Variants in MSRA observed in about 807,000 individuals in gnomAD.
MSRA encodes the protein mitochondrial peptide methionine sulfoxide reductase.
In MSRA, 54 loss-of-function variants were observed where a neutral mutation model predicts 31.3. That is an observed-to-expected ratio of 1.73 (90% CI 1.39 to 2.17). MSRA has a LOEUF of 2.17. MSRA is among the 30% of genes most tolerant of loss of function. The pLI, the probability that MSRA is intolerant of heterozygous loss-of-function variation, is 0.00. For synonymous variants in MSRA, 169 were observed against 116.5 expected, an observed-to-expected ratio of 1.45 and a Z score of -2.90; for missense variants, 507 against 300.9, an observed-to-expected ratio of 1.69 and a Z score of -5.07.
intron 1 of MSRA, chr8:10,058,887 G>A (rs1220285084): frequency 2.0e-5 from 3 of 152,160 alleles, no homozygotes; most frequent in African/African-American, 7.2e-5. Flanking sequence ...TTGTAAGAAG[G>A]TAAGATTCAA....
At chr8:10,256,619 A>C (rs1181946655) in intron 3 of MSRA, among the ~76,000 whole-genome samples, 7 of 152,108 alleles carry the variant, frequency 4.6e-5, no homozygotes, top group African/African-American at 1.7e-4. Context: ...TGAGCCACAT[A>C]AGTAAGAAGA....
chr8:10,192,228 A>G (rs1478716742), intron 1 of MSRA, among the ~76,000 whole-genome samples: 1 of 152,318 alleles, frequency 6.6e-6, no homozygotes, highest in East Asian at 1.9e-4. Context: ...GTGAATCACT[A>G]AGTTCGGCCT....
intron 1 of MSRA, among the ~76,000 whole-genome samples, chr8:10,196,634 C>G (rs1213138682): frequency 6.6e-6 from 1 of 152,208 alleles, no homozygotes; most frequent in East Asian, 1.9e-4. Flanking sequence ...ATCGCAACCT[C>G]TGCCTCCTGG....
chr8:10,145,449 G>A (rs1803063694), intron 1 of MSRA, among the ~76,000 whole-genome samples: 1 of 152,186 alleles, frequency 6.6e-6, no homozygotes, highest in Non-Finnish European at 1.5e-5. Context: ...GTTTTAGCCT[G>A]AAGAGTGTAC....
At chr8:10,141,781 A>G (rs1206985842) in intron 1 of MSRA, among the ~76,000 whole-genome samples, 2 of 151,956 alleles carry the variant, frequency 1.3e-5, no homozygotes, top group African/African-American at 4.8e-5. Flanking sequence ...AAATGCCAAT[A>G]AGAATTTGCT....
At chr8:10,113,590 G>A (rs1313783584) in intron 1 of MSRA, among the ~76,000 whole-genome samples, 2 of 151,558 alleles carry the variant, frequency 1.3e-5, no homozygotes, top group African/African-American at 2.4e-5. Context: ...GAATAAAGTA[G>A]GTAATAAAAT....
chr8:10,250,697 G>C (rs1797870672), intron 3 of MSRA: 1 of 543,898 alleles, frequency 1.8e-6, no homozygotes, highest in African/African-American at 1.9e-5. Context: ...CTCTGGGGGT[G>C]GTGATGGAAC....
At chr8:10,360,298 A>G (rs1045130013) in intron 5 of MSRA, among the ~76,000 whole-genome samples, 1 of 152,232 alleles carries the variant, frequency 6.6e-6, no homozygotes, top group African/African-American at 2.4e-5. Context: ...TTTCTCTAGC[A>G]GAGATGCCCC....
chr8:10,141,162 G>A (rs1319495361), intron 1 of MSRA, among the ~76,000 whole-genome samples: 1 of 152,152 alleles, frequency 6.6e-6, no homozygotes, highest in African/African-American at 2.4e-5. Flanking sequence ...GTAGACCCTG[G>A]GTTCTGAACA....
At chr8:10,193,672 C>T (rs1807727247) in intron 1 of MSRA, among the ~76,000 whole-genome samples, 1 of 152,160 alleles carries the variant, frequency 6.6e-6, no homozygotes, top group South Asian at 2.1e-4. Flanking sequence ...AAAAAAGCAC[C>T]ACCAAGCGCC....
At chr8:10,134,383 A>G (rs554617393) in intron 1 of MSRA, among the ~76,000 whole-genome samples, 1 of 152,380 alleles carries the variant, frequency 6.6e-6, no homozygotes, top group East Asian at 1.9e-4. Flanking sequence ...ATGTAGAGGC[A>G]GCAGACAGAC....
intron 1 of MSRA, among the ~76,000 whole-genome samples, chr8:10,107,363 A>C (rs1377757910): frequency 6.6e-6 from 1 of 152,050 alleles, no homozygotes; most frequent in Non-Finnish European, 1.5e-5. Flanking sequence ...CCTCCTTGTA[A>C]CCAAACCGAT....
chr8:10,228,219 G>A (rs1170113717), intron 2 of MSRA, among the ~76,000 whole-genome samples: 1 of 152,182 alleles, frequency 6.6e-6, no homozygotes, highest in African/African-American at 2.4e-5. Flanking sequence ...CTATCCAGCT[G>A]TAGCCGGAAT....
chr8:10,342,277 G>A (rs1227407436), intron 5 of MSRA, among the ~76,000 whole-genome samples: 1 of 152,032 alleles, frequency 6.6e-6, no homozygotes, highest in African/African-American at 2.4e-5. Context: ...GGACCCCAAT[G>A]AGCTTTTGTT....
At chr8:10,154,878 G>A (rs1322808230) in intron 1 of MSRA, among the ~76,000 whole-genome samples, 9 of 151,640 alleles carry the variant, frequency 5.9e-5, no homozygotes, top group Admixed American at 5.3e-4. Context: ...AAAAGGAAGT[G>A]TAGTTTTTAA....
At chr8:10,124,740 A>C (rs149728761) in intron 1 of MSRA, among the ~76,000 whole-genome samples, 1 of 152,166 alleles carries the variant, frequency 6.6e-6, no homozygotes, top group Non-Finnish European at 1.5e-5. Context: ...TCGAGGATGC[A>C]GAGATGATTT....
chr8:10,185,864 C>T (rs6997464), intron 1 of MSRA, among the ~76,000 whole-genome samples: 82,238 of 151,882 alleles, frequency 0.54, 23,782 homozygotes, highest in African/African-American at 0.77. Context: ...ATTCTCACAA[C>T]AGCTCCATAA....
At chr8:10,063,530 C>G (rs962092369) in intron 1 of MSRA, among the ~76,000 whole-genome samples, 13 of 152,132 alleles carry the variant, frequency 8.5e-5, no homozygotes, top group African/African-American at 2.9e-4. Context: ...CTATGTGCCC[C>G]TACTGAATTC....
Position 10,319,961 on chromosome 8 carries a change from C to T in MSRA, c.515C>T (p.Ala172Val), listed in dbSNP as rs1264862556. 3.7e-6 allele frequency: 6 copies of T among 1,600,804 alleles called. No homozygotes were observed. Among genetic ancestry groups the T allele is most frequent in the Non-Finnish European group, 5.1e-6 (6 of 1,173,934 alleles). The change falls in exon 5 of 6, where the codon GCC becomes GTC. Residue 172 changes from alanine (A) to valine (V), a missense_variant. Physicochemically the swap from Ala to Val is moderately conservative, Grantham distance 64. Transcript: ENST00000317173. ...YPTSAKQMEA[A>V]LSSKENYQKV... ...ACCTCTGCCAAGCAAATGGAGGCAG[C>T]CCTGAGCTCCAAAGAGAACTACCAA...
Sources: allele counts gnomAD v4.1 joint callset (sites outside exome capture counted in the v4.1 genomes callset), GRCh38; gene constraint gnomAD v4.1.1; transcripts MANE v1.5; gene names NCBI Gene and HGNC (gene_info 2026-07-23, HGNC 2026-07-21).